PRP4K: variants seen among roughly 807,000 people sequenced by gnomAD.
The protein encoded by PRP4K is pre-mRNA processing factor kinase PRP4K.
chr6:4,027,350 T>C, the PRP4K span, among the ~76,000 whole-genome samples: 2 of 152,102 alleles, frequency 1.3e-5, no homozygotes, highest in Non-Finnish European at 2.9e-5. Flanking sequence ...GATTTGTCAG[T>C]ACTATTACCC....
chr6:4,042,232 G>T, the PRP4K span, among the ~76,000 whole-genome samples: 1 of 152,166 alleles, frequency 6.6e-6, no homozygotes, highest in Non-Finnish European at 1.5e-5. Context: ...GGCAACTTTT[G>T]TAAACCTGGA....
the PRP4K span, among the ~76,000 whole-genome samples, chr6:4,055,844 T>C: frequency 6.6e-6 from 1 of 152,228 alleles, no homozygotes. Context: ...TGGGATCATA[T>C]AGCAGCTTCG....
At chr6:4,043,775 A>G in the PRP4K span, 5 of 1,589,694 alleles carry the variant, frequency 3.1e-6, no homozygotes, top group Admixed American at 3.4e-5. Context: ...ATAGCATCCA[A>G]TTTTATGAAA....
the PRP4K span, chr6:4,057,220 T>C: frequency 6.3e-7 from 1 of 1,590,026 alleles, no homozygotes; most frequent in Non-Finnish European, 8.6e-7. Context: ...TTTAAGGTCT[T>C]AGTTTCTTAT....
the PRP4K span, chr6:4,031,462 A>T: frequency 1.1e-6 from 1 of 940,706 alleles, no homozygotes; most frequent in Non-Finnish European, 1.5e-6. Context: ...TTCATGTATT[A>T]CATTGAGATG....
chr6:4,031,555 A>C, the PRP4K span: 1 of 1,515,554 alleles, frequency 6.6e-7, no homozygotes, highest in Non-Finnish European at 8.9e-7. Flanking sequence ...TGATATATTT[A>C]TAGGATGGAA....
At chr6:4,037,691 T>A in the PRP4K span, 1 of 918,598 alleles carries the variant, frequency 1.1e-6, no homozygotes, top group Non-Finnish European at 1.5e-6. Flanking sequence ...TGTGTTCCCA[T>A]AGTTTCCTTT....
At chr6:4,022,818 A>G in the PRP4K span, among the ~76,000 whole-genome samples, 1 of 152,344 alleles carries the variant, frequency 6.6e-6, no homozygotes, top group Middle Eastern at 3.4e-3. Context: ...TTATGCCAGT[A>G]CCGTGCAGAT....
chr6:4,056,747 T>G, the PRP4K span: 1 of 1,489,880 alleles, frequency 6.7e-7, no homozygotes. Flanking sequence ...TTGCCTTGGT[T>G]GAGGCTGATT....
At chr6:4,037,322 G>A in the PRP4K span, 216 of 1,334,424 alleles carry the variant, frequency 1.6e-4, 3 homozygotes, top group South Asian at 3.7e-3. Flanking sequence ...TTTTCTTACA[G>A]ATGTTCTTTG....
At chr6:4,046,251 G>A in the PRP4K span, among the ~76,000 whole-genome samples, 195 of 152,252 alleles carry the variant, frequency 1.3e-3, no homozygotes, top group African/African-American at 4.5e-3. Context: ...CCATTTTGCC[G>A]TCTTTCTGAG....
the PRP4K span, chr6:4,064,643 TCTC>T: frequency 3.6e-4 from 55 of 152,684 alleles, no homozygotes; most frequent in African/African-American, 1.3e-3. Context: ...ATTTTATCAT[TCTC>T]CTCCTAATGG....
the PRP4K span, among the ~76,000 whole-genome samples, chr6:4,045,594 T>A: frequency 2.0e-5 from 3 of 152,256 alleles, no homozygotes; most frequent in East Asian, 3.8e-4. Flanking sequence ...TTATTGGGGT[T>A]TATTAACTTA....
the PRP4K span, among the ~76,000 whole-genome samples, chr6:4,045,003 C>T: frequency 3.9e-5 from 6 of 151,976 alleles, no homozygotes; most frequent in African/African-American, 9.7e-5. Context: ...GCTGGGACTA[C>T]AGGCGCCTGC....
At chr6:4,032,595 C>G in the PRP4K span, 1 of 1,613,882 alleles carries the variant, frequency 6.2e-7, no homozygotes, top group East Asian at 2.2e-5. Flanking sequence ...TCCAAAACCA[C>G]GTGATAAATC....
the PRP4K span, among the ~76,000 whole-genome samples, chr6:4,043,393 A>G: frequency 2.2e-4 from 33 of 152,094 alleles, no homozygotes; most frequent in South Asian, 8.3e-4. Context: ...TTGGGGCCAT[A>G]TGTGCTTTGG....
chr6:4,031,463 C>A, the PRP4K span: 4 of 951,922 alleles, frequency 4.2e-6, no homozygotes, highest in East Asian at 1.1e-4. Context: ...TCATGTATTA[C>A]ATTGAGATGT....
chr6:4,031,479 C>A, the PRP4K span: 5 of 1,115,164 alleles, frequency 4.5e-6, no homozygotes, highest in Non-Finnish European at 6.3e-6. Flanking sequence ...GATGTATTTT[C>A]TCATTACTGT....
the PRP4K span, among the ~76,000 whole-genome samples, chr6:4,055,436 A>G: frequency 2.0e-5 from 3 of 152,242 alleles, no homozygotes; most frequent in African/African-American, 7.2e-5. Flanking sequence ...TATCATTTAT[A>G]ATAGTCCAGT....
Sources: gnomAD v4.1 joint callset for allele counts (sites outside exome capture counted in the v4.1 genomes callset) on GRCh38, gnomAD v4.1.1 for gene constraint, MANE v1.5 for transcripts, NCBI Gene and HGNC (gene_info 2026-07-23, HGNC 2026-07-21) for gene names.